Variants in GALNTL6 observed in about 807,000 individuals in gnomAD.
GALNTL6 encodes polypeptide N-acetylgalactosaminyltransferase like 6.
A neutral mutation model predicts 73.7 loss-of-function variants in GALNTL6; 46 were observed. The ratio of observed to expected loss-of-function variants is 0.62; its 90% CI spans 0.49 to 0.80. The LOEUF is 0.80. GALNTL6 is among the 30% of genes least tolerant of loss of function. GALNTL6 has a pLI of 0.00. For synonymous variants in GALNTL6, 259 were observed against 263.7 expected (o/e 0.98, Z 0.17); for missense variants, 604 against 755.0 (o/e 0.80, Z 2.34).
At chr4:171,966,318 G>A (rs1318369642) in intron 2 of GALNTL6, among the ~76,000 whole-genome samples, 1 of 152,182 alleles carries the variant, frequency 6.6e-6, no homozygotes, top group Non-Finnish European at 1.5e-5. Context: ...ATATTCTAGT[G>A]TGCCAAGTGG....
intron 5 of GALNTL6, among the ~76,000 whole-genome samples, chr4:172,662,813 G>A (rs1731447603): frequency 6.6e-6 from 1 of 152,168 alleles, no homozygotes; most frequent in Non-Finnish European, 1.5e-5. Context: ...TCAGATGGTG[G>A]TAAAAAGTAA....
At chr4:172,767,867 A>T (rs1738534735) in intron 5 of GALNTL6, among the ~76,000 whole-genome samples, 1 of 151,836 alleles carries the variant, frequency 6.6e-6, no homozygotes, top group Non-Finnish European at 1.5e-5. Flanking sequence ...ACGGGGTTTC[A>T]CCATGTTGAA....
chr4:172,481,957 T>C (rs1733498408), intron 5 of GALNTL6, among the ~76,000 whole-genome samples: 2 of 152,108 alleles, frequency 1.3e-5, no homozygotes, highest in Admixed American at 1.3e-4. Context: ...TCGGGGAGGC[T>C]CGGGCTGCCA....
At chr4:172,043,239 T>C (rs1305932129) in intron 2 of GALNTL6, among the ~76,000 whole-genome samples, 1 of 152,026 alleles carries the variant, frequency 6.6e-6, no homozygotes, top group Non-Finnish European at 1.5e-5. Flanking sequence ...TGAAATGTAA[T>C]CTCTTTATAC....
rs1482480476 is a variant in GALNTL6 at position 172,432,063 on chromosome 4, C to T, written c.553+83374C>T. On this transcript the variant is annotated intron_variant, in intron 5 of 12. Transcript: ENST00000506823. ...GTGTGATTTTTAAAAAATAAAATAGCGCTTTCTAGCTCCACACATCATGAC... is the reference window on the plus strand; with the variant it reads ...GTGTGATTTTTAAAAAATAAAATAGTGCTTTCTAGCTCCACACATCATGAC... 4.6e-5 allele frequency among the ~76,000 whole-genome samples: 7 copies of T among 152,074 alleles called. No homozygotes were observed. In the East Asian group the frequency reaches 9.7e-4, roughly 21 times the overall value.
At chr4:172,219,137 A>T (rs1736589558) in intron 2 of GALNTL6, among the ~76,000 whole-genome samples, 1 of 148,006 alleles carries the variant, frequency 6.8e-6, no homozygotes, top group Non-Finnish European at 1.5e-5. Flanking sequence ...AGCCAAATTA[A>T]AATGGATAGA....
chr4:172,609,625 C>CTCTCTG (rs753051714), intron 5 of GALNTL6, among the ~76,000 whole-genome samples: 1,611 of 92,750 alleles, frequency 0.017, 29 homozygotes, highest in African/African-American at 0.04. Flanking sequence ...CTCTCTCTCT[C>CTCTCTG]TGTGTGTGTG....
chr4:172,501,365 T>G (rs1389111527), intron 5 of GALNTL6, among the ~76,000 whole-genome samples: 1 of 152,200 alleles, frequency 6.6e-6, no homozygotes, highest in African/African-American at 2.4e-5. Context: ...TAAAGGATAT[T>G]TCTCATAACT....
intron 5 of GALNTL6, among the ~76,000 whole-genome samples, chr4:172,680,973 T>G (rs1732603655): frequency 6.6e-6 from 1 of 152,150 alleles, no homozygotes; most frequent in Non-Finnish European, 1.5e-5. Flanking sequence ...AAAGAGGCCC[T>G]GAGCATGCAG....
At chr4:172,610,321 T>G (rs560087675) in intron 5 of GALNTL6, among the ~76,000 whole-genome samples, 1 of 152,196 alleles carries the variant, frequency 6.6e-6, no homozygotes, top group South Asian at 2.1e-4. Context: ...TTCTACCTTT[T>G]TGATATGGGC....
intron 5 of GALNTL6, among the ~76,000 whole-genome samples, chr4:172,460,473 T>G (rs535196248): frequency 1.2e-4 from 19 of 152,308 alleles, no homozygotes; most frequent in African/African-American, 4.3e-4. Flanking sequence ...CCTATCCATC[T>G]GACAAAGGGC....
chr4:172,729,112 T>C (rs1265486145), intron 5 of GALNTL6, among the ~76,000 whole-genome samples: 1 of 152,196 alleles, frequency 6.6e-6, no homozygotes, highest in Non-Finnish European at 1.5e-5. Context: ...TTATATATTA[T>C]ATATTCTGGT....
intron 2 of GALNTL6, among the ~76,000 whole-genome samples, chr4:171,973,015 C>A (rs780350468): frequency 5.9e-5 from 9 of 152,004 alleles, no homozygotes; most frequent in African/African-American, 9.7e-5. Context: ...TAAAACTATG[C>A]AATTATTAAA....
intron 2 of GALNTL6, among the ~76,000 whole-genome samples, chr4:172,139,596 A>G (rs1435372216): frequency 1.3e-5 from 2 of 152,192 alleles, no homozygotes; most frequent in Non-Finnish European, 2.9e-5. Context: ...TCTAGAATAT[A>G]GTTGTTCAGG....
intron 2 of GALNTL6, among the ~76,000 whole-genome samples, chr4:172,087,459 C>CACA (rs1732081024): frequency 7.5e-6 from 1 of 134,180 alleles, no homozygotes; most frequent in African/African-American, 2.8e-5. Flanking sequence ...AAAAAAAAAA[C>CACA]AAAAAAAACA....
At chr4:172,552,727 T>C (rs1735997103) in intron 5 of GALNTL6, among the ~76,000 whole-genome samples, 1 of 147,850 alleles carries the variant, frequency 6.8e-6, no homozygotes, top group Non-Finnish European at 1.5e-5. Context: ...AAGTCAATGT[T>C]AAAAGCGTTT....
intron 5 of GALNTL6, among the ~76,000 whole-genome samples, chr4:172,528,736 G>A (rs1735055891): frequency 6.6e-6 from 1 of 150,446 alleles, no homozygotes; most frequent in Non-Finnish European, 1.5e-5. Context: ...TGACTTTTAA[G>A]ACATTTTTTA....
At chr4:172,284,959 G>A (rs1428716026) in intron 3 of GALNTL6, among the ~76,000 whole-genome samples, 1 of 152,112 alleles carries the variant, frequency 6.6e-6, no homozygotes, top group Non-Finnish European at 1.5e-5. Flanking sequence ...TTTTAGGATT[G>A]CTTATTCTAA....
chr4:172,378,596 TA>T (rs939609252), intron 5 of GALNTL6, among the ~76,000 whole-genome samples: 7 of 152,086 alleles, frequency 4.6e-5, no homozygotes, highest in East Asian at 1.9e-4. Flanking sequence ...TGTTGTTTTT[TA>T]AAAAAAATTG....
Sources: allele counts gnomAD v4.1 joint callset (sites outside exome capture counted in the v4.1 genomes callset), GRCh38; gene constraint gnomAD v4.1.1; transcripts MANE v1.5; gene names NCBI Gene and HGNC (gene_info 2026-07-23, HGNC 2026-07-21).